Variants in LOC400499 observed in about 807,000 individuals in gnomAD.
chr16:11,437,554 G>C, the LOC400499 span, among the ~76,000 whole-genome samples: 1 of 152,104 alleles, frequency 6.6e-6, no homozygotes, highest in African/African-American at 2.4e-5. Context: ...GTAAGACCCT[G>C]TCTTAAAAAT....
the LOC400499 span, among the ~76,000 whole-genome samples, chr16:11,467,829 G>A: frequency 2.0e-5 from 3 of 152,136 alleles, no homozygotes; most frequent in African/African-American, 7.2e-5. Context: ...ACCCTAAGCC[G>A]CAGGACCTGT....
the LOC400499 span, among the ~76,000 whole-genome samples, chr16:11,432,974 G>A: frequency 4.6e-5 from 7 of 152,166 alleles, no homozygotes; most frequent in Admixed American, 1.3e-4. Flanking sequence ...TAGCTTCCTC[G>A]TGTATCTTTT....
At chr16:11,509,971 T>C in the LOC400499 span, among the ~76,000 whole-genome samples, 1 of 146,686 alleles carries the variant, frequency 6.8e-6, no homozygotes, top group Non-Finnish European at 1.5e-5. Flanking sequence ...GGGGACTCAT[T>C]TTAACCGTGT....
At chr16:11,438,949 A>T in the LOC400499 span, among the ~76,000 whole-genome samples, 25 of 152,250 alleles carry the variant, frequency 1.6e-4, no homozygotes, top group African/African-American at 5.8e-4. Context: ...TATTGCTGTC[A>T]AATTAATGGT....
At chr16:11,516,494 C>G in the LOC400499 span, among the ~76,000 whole-genome samples, 1 of 152,318 alleles carries the variant, frequency 6.6e-6, no homozygotes, top group African/African-American at 2.4e-5. Context: ...GCAGCCAACT[C>G]TGCTCTGAGC....
the LOC400499 span, chr16:11,448,161 C>A: frequency 2.8e-6 from 4 of 1,428,190 alleles, no homozygotes; most frequent in South Asian, 2.9e-5. Context: ...GGTAGCCCCC[C>A]ACAACCTGCC....
At chr16:11,417,298 C>G in the LOC400499 span, among the ~76,000 whole-genome samples, 1 of 152,132 alleles carries the variant, frequency 6.6e-6, no homozygotes, top group East Asian at 1.9e-4. Context: ...GCAATCATAG[C>G]TCATTGCAAC....
chr16:11,421,397 A>AT, the LOC400499 span, among the ~76,000 whole-genome samples: 47 of 151,396 alleles, frequency 3.1e-4, 1 homozygote, highest in South Asian at 9.6e-3. Context: ...TCACTCTGGT[A>AT]TTTTTTGTGT....
chr16:11,382,877 G>GT, the LOC400499 span, among the ~76,000 whole-genome samples: 1 of 152,162 alleles, frequency 6.6e-6, no homozygotes, highest in Non-Finnish European at 1.5e-5. Context: ...ACTTAGCTTA[G>GT]TAGGGGGTAG....
chr16:11,446,911 C>A, the LOC400499 span: 1 of 1,533,480 alleles, frequency 6.5e-7, no homozygotes, highest in South Asian at 1.2e-5. Context: ...CAACGGGTGC[C>A]TGGTGTGCAG....
the LOC400499 span, among the ~76,000 whole-genome samples, chr16:11,416,809 TG>T: frequency 1.3e-5 from 2 of 151,978 alleles, no homozygotes; most frequent in South Asian, 2.1e-4. Context: ...GCCAAGGTCC[TG>T]GGGCCGCAGC....
the LOC400499 span, among the ~76,000 whole-genome samples, chr16:11,443,164 A>G: frequency 6.6e-6 from 1 of 151,570 alleles, no homozygotes; most frequent in Admixed American, 6.6e-5. Context: ...ACTCTACTAA[A>G]AGTACAAAAA....
the LOC400499 span, among the ~76,000 whole-genome samples, chr16:11,477,174 G>A: frequency 1.3e-5 from 2 of 152,246 alleles, no homozygotes; most frequent in African/African-American, 4.8e-5. Context: ...GCACCTGCCT[G>A]GGTTCCATGA....
At chr16:11,436,552 C>T in the LOC400499 span, among the ~76,000 whole-genome samples, 2 of 152,228 alleles carry the variant, frequency 1.3e-5, no homozygotes, top group African/African-American at 4.8e-5. Flanking sequence ...GTTCTCAATC[C>T]AGCCTGTGCA....
chr16:11,436,560 G>A, the LOC400499 span, among the ~76,000 whole-genome samples: 11 of 152,170 alleles, frequency 7.2e-5, no homozygotes, highest in African/African-American at 2.4e-4. Context: ...TCCAGCCTGT[G>A]CATTACAATC....
the LOC400499 span, chr16:11,393,402 G>C: frequency 8.1e-7 from 1 of 1,232,262 alleles, no homozygotes; most frequent in Non-Finnish European, 1.0e-6. Context: ...CTCCTCATGG[G>C]CCACAGAGGC....
At chr16:11,450,209 G>C in the LOC400499 span, among the ~76,000 whole-genome samples, 1 of 152,202 alleles carries the variant, frequency 6.6e-6, no homozygotes, top group Admixed American at 6.5e-5. Flanking sequence ...ACCTGTTCTT[G>C]CTTCTGCACC....
chr16:11,475,903 G>C, the LOC400499 span, among the ~76,000 whole-genome samples: 1 of 152,186 alleles, frequency 6.6e-6, no homozygotes, highest in African/African-American at 2.4e-5. Context: ...GGACCACAGA[G>C]AGTGACAAGT....
At chr16:11,492,583 G>C in the LOC400499 span, among the ~76,000 whole-genome samples, 2 of 151,918 alleles carry the variant, frequency 1.3e-5, no homozygotes, top group Non-Finnish European at 2.9e-5. Flanking sequence ...AGGAGATCGA[G>C]ACCATCCTGG....
Sources: allele counts gnomAD v4.1 joint callset (sites outside exome capture counted in the v4.1 genomes callset), GRCh38; gene constraint gnomAD v4.1.1; transcripts MANE v1.5.